APOA4: variants seen among roughly 807,000 people sequenced by gnomAD.
APOA4 encodes the protein apolipoprotein A-IV.
APOA4 carries 25 observed loss-of-function variants against 33.6 expected under a neutral mutation model. The observed-to-expected ratio is 0.74, with a 90% CI of 0.54 to 1.04. APOA4 has a LOEUF of 1.04. Among genes scored for constraint, APOA4 ranks in the 50% least tolerant of loss-of-function variants. The probability of loss-of-function intolerance (pLI) is 0.00; values close to 1 mark genes in which losing one functional copy is unlikely to be tolerated. For missense variants in APOA4, 549 were observed against 510.4 expected, an observed-to-expected ratio of 1.08 and a Z score of -0.73; for synonymous variants, 228 against 224.0, an observed-to-expected ratio of 1.02 and a Z score of -0.16.
Position 116,821,260 on chromosome 11 carries a change from C to G in APOA4, c.798G>C (p.Arg266Ser), listed in dbSNP as rs1941317303. Residue 266 changes from arginine to serine, a missense_variant, in exon 3 of 3, where the codon AGG becomes AGC. By Grantham distance (110) the Arg-to-Ser change is moderately radical (BLOSUM62 -1). Transcript: ENST00000357780. The stretch of plus-strand genomic sequence containing the variant: ...GCACGTCCTCGGCCAAGGGCGCCAG[C>G]CTCTGCCGCAGCTCCTCGGCACTGG... Reference protein sequence around the residue: ...ISASAEELRQRLAPLAEDVRG... With the variant: ...ISASAEELRQSLAPLAEDVRG... The G allele has an allele frequency of 1.2e-6, 2 of 1,613,258 alleles. No individual in the cohort carries two copies. The highest frequency in any genetic ancestry group is 1.7e-6 in the Non-Finnish European group (2 of 1,180,044).
At position 116,821,041 on chromosome 11, in the gene APOA4, G is replaced by C. The variant is rs201032623; in HGVS notation, c.1017C>G (p.His339Gln). Reference sequence around the variant, plus strand: ...TCAGGTCCTTCTCCAGGAAGCTCAAGTGGCCTTCCACGTCCCCCGCATGGG... The same window carrying C: ...TCAGGTCCTTCTCCAGGAAGCTCAACTGGCCTTCCACGTCCCCCGCATGGG... ...LGPHAGDVEG[H>Q]LSFLEKDLRD... The change falls in exon 3 of 3, where the codon CAC becomes CAG. Residue 339 changes from histidine (H) to glutamine (Q), a missense_variant. By Grantham distance (24) the His-to-Gln change is conservative. Transcript: ENST00000357780. 6 of 1,614,246 alleles carry C rather than the reference G, an allele frequency of 3.7e-6. No homozygotes were observed. The highest frequency in any genetic ancestry group is 5.1e-6 in the Non-Finnish European group (6 of 1,180,048).
chr11:116,821,546 T>C lies in APOA4; in HGVS notation c.512A>G (p.Asn171Ser), dbSNP rs1941323236. ...AQRMERVLRENADSLQASLRP... is the reference protein window; with the variant it reads ...AQRMERVLRESADSLQASLRP... ...CAGCGAGGCCTGCAGGCTGTCGGCG[T>C]TCTCCCGCAGCACTCTCTCCATGCG... Residue 171 changes from asparagine to serine, a missense_variant, in exon 3 of 3, where the codon AAC becomes AGC. Asn to Ser is a conservative substitution (Grantham distance 46). Transcript: ENST00000357780. 3.1e-6 allele frequency: 5 copies of C among 1,612,688 alleles called. No homozygotes were observed.
rs569616428 is a variant in APOA4, at chr11:116,821,804, G to A, written c.254C>T (p.Thr85Ile). Residue 85 changes from threonine to isoleucine, a missense_variant, in exon 3 of 3, where the codon ACC (threonine) becomes ATC (isoleucine). Physicochemically the swap from Thr to Ile is moderately conservative, Grantham distance 89 (BLOSUM62 -1). Coordinates refer to ENST00000357780, the MANE Select transcript of APOA4 (RefSeq NM_000482.4). The stretch of plus-strand genomic sequence containing the variant: ...CTTGGCCAGGCGTTCATGCAGCTCG[G>A]TGGCAAAGGGCACCAGCTTCTTCTG... ...DLQKKLVPFA[T>I]ELHERLAKDS... 50 of 1,603,240 alleles carry A rather than the reference G, an allele frequency of 3.1e-5. No homozygotes were observed. The African/African-American group carries it at 6.0e-4, about 19-fold the overall frequency.
In APOA4 at chr11:116,821,403, G is replaced by A. The variant is rs751787167; in HGVS notation, c.655C>T (p.Leu219=). Residue 219 remains leucine, a synonymous_variant, in exon 3 of 3, where the codon CTG becomes TTG. Transcript: ENST00000357780. Reference sequence around the variant, plus strand: ...GCATAGGGAGCCAGGCTGCGGCGCAGCTCCTCCACGGTCTGGTCAATCTTG... The same window carrying A: ...GCATAGGGAGCCAGGCTGCGGCGCAACTCCTCCACGGTCTGGTCAATCTTG... ...KVKIDQTVEE[L]RRSLAPYAQD... is the part of the protein sequence containing the mutation. The A allele has an allele frequency of 1.5e-5, 24 of 1,614,068 alleles. No homozygotes were observed. The South Asian group carries it at 2.5e-4, about 17-fold the overall frequency.
chr11:116,823,290 G>C lies in APOA4; in HGVS notation c.-99C>G, dbSNP rs764379329. 2.1e-4 allele frequency: 294 copies of C among 1,392,782 alleles called. 1 individual carries two copies. Among genetic ancestry groups the C allele is most frequent in the Non-Finnish European group, 2.7e-4 (262 of 979,652 alleles). The allele number at this position is 1,392,782 out of a possible 1,614,324, so 86.3% of individuals were successfully genotyped here. ...GAGGTCCTCAGGAGAGCTCACCTGC[G>C]CTGCAGTGGGAACTGACTGAAGCTC... is the stretch of plus-strand genomic sequence containing the variant. On this transcript the variant is annotated 5_prime_UTR_variant, in exon 1 of 3. Transcript: ENST00000357780.
Position 116,821,506 on chromosome 11 carries a change from G to GC in APOA4, c.551_552insG (p.Asp184GlufsTer23). 6.2e-7 allele frequency: 1 copy of GC among 1,613,944 alleles called. No homozygotes were observed. Among genetic ancestry groups the GC allele is most frequent in the Non-Finnish European group, 8.5e-7 (1 of 1,180,006 alleles). ...TCTGGTCGATCTTGGCCTTGAGCTC[G>GC]TCGGCGTGGGGCCTCAGCGAGGCCT... On this transcript the variant is annotated frameshift_variant, in exon 3 of 3. Coordinates refer to ENST00000357780, the MANE Select transcript of APOA4 (RefSeq NM_000482.4). LOFTEE classifies it high-confidence loss of function.
intron 2 of APOA4, 108 bp downstream of exon 2, chr11:116,822,551 G>C: frequency 6.5e-7 from 1 of 1,548,230 alleles, no homozygotes; most frequent in Non-Finnish European, 8.9e-7. Flanking sequence ...TGGCAGGGCA[G>C]TGGGTATCCT....
At chr11:116,822,950 G>A (rs1941342995) in intron 1 of APOA4, among the ~76,000 whole-genome samples, 165 bp from the exon 2 acceptor site, 1 of 152,228 alleles carries the variant, frequency 6.6e-6, no homozygotes. Context: ...AACTGGTATA[G>A]CACCAATGCC....
chr11:116,822,833 C>T, intron 1 of APOA4, 48 bp from the exon 2 acceptor site: 4 of 1,612,042 alleles, frequency 2.5e-6, no homozygotes, highest in Non-Finnish European at 2.5e-6. Context: ...TCCTGTGTGG[C>T]CCCTCTGCTC....
At chr11:116,821,982 A>G in intron 2 of APOA4, 101 bp from the exon 3 acceptor site, 4 of 1,487,996 alleles carry the variant, frequency 2.7e-6, no homozygotes, top group African/African-American at 1.4e-5. Flanking sequence ...GTGCTAGGAC[A>G]GGTGAGTGCT....
At position 116,820,707 on chromosome 11, in the gene APOA4, T is replaced by C; in HGVS notation, c.*160A>G. 1 of 1,298,276 alleles carries C rather than the reference T, an allele frequency of 7.7e-7. No individual in the cohort carries two copies. Among genetic ancestry groups the C allele is most frequent in the Non-Finnish European group, 1.1e-6 (1 of 950,590 alleles). The allele number at this position is 1,298,276 out of a possible 1,614,324, so 80.4% of individuals were successfully genotyped here. The stretch of plus-strand genomic sequence containing the variant: ...GATTCATCCGGCAACCAGTTGAGGC[T>C]AGATTCTCAGCAGCTTTATTGAATA... On this transcript the variant is annotated 3_prime_UTR_variant, in exon 3 of 3. Coordinates refer to ENST00000357780, the MANE Select transcript of APOA4 (RefSeq NM_000482.4).
At position 116,821,563 on chromosome 11, in the gene APOA4, C is replaced by G. The variant is rs1471353240; in HGVS notation, c.495G>C (p.Glu165Asp). ...TGTCGGCGTTCTCCCGCAGCACTCTCTCCATGCGCTGTGCGTAGGGGGTCA... is the reference window on the plus strand; with the variant it reads ...TGTCGGCGTTCTCCCGCAGCACTCTGTCCATGCGCTGTGCGTAGGGGGTCA... ...RQLTPYAQRM[E>D]RVLRENADSL... The change falls in exon 3 of 3, where the codon GAG (glutamate) becomes GAC (aspartate). Residue 165 changes from glutamate to aspartate, a missense_variant. By Grantham distance (45) the Glu-to-Asp change is conservative. Coordinates refer to ENST00000357780, the MANE Select transcript of APOA4 (RefSeq NM_000482.4). The G allele has an allele frequency of 2.5e-6, 4 of 1,611,976 alleles. No individual in the cohort carries two copies. The highest frequency in any genetic ancestry group is 2.2e-5 in the East Asian group (1 of 44,884).
At position 116,823,177 on chromosome 11, in the gene APOA4, G is replaced by C; in HGVS notation, c.15C>G (p.Ala5=). 1 of 1,614,066 alleles carries C rather than the reference G, an allele frequency of 6.2e-7. No homozygotes were observed. Among genetic ancestry groups the C allele is most frequent in the Non-Finnish European group, 8.5e-7 (1 of 1,180,014 alleles). ...CCACCAGGGCCAGGGTCAGGACCACGGCCTTCAGGAACATCCTGAGCTGCT... is the reference window on the plus strand; with the variant it reads ...CCACCAGGGCCAGGGTCAGGACCACCGCCTTCAGGAACATCCTGAGCTGCT... The part of the protein sequence containing the change: MFLK[A]VVLTLALVAV... Residue 5 remains alanine, a synonymous_variant, in exon 1 of 3, where the codon GCC becomes GCG. Transcript: ENST00000357780.
intron 1 of APOA4, 74 bp downstream of exon 1, chr11:116,823,069 T>A: frequency 1.3e-6 from 2 of 1,581,954 alleles, no homozygotes; most frequent in Admixed American, 1.7e-5. Flanking sequence ...GTCCTTTTGC[T>A]TTGGCTCAGC....
chr11:116,820,860 G>A lies in APOA4; in HGVS notation c.*7C>T, dbSNP rs1188628093. On this transcript the variant is annotated 3_prime_UTR_variant, in exon 3 of 3. Transcript: ENST00000357780. The stretch of plus-strand genomic sequence containing the variant: ...CACGAGGGTGGGGCCAGTGCACCAG[G>A]GGCAGCTCAGCTCTCCAAAGGGGCC... The A allele has an allele frequency of 1.9e-6, 3 of 1,613,514 alleles. No homozygotes were observed. The highest frequency in any genetic ancestry group is 3.3e-5 in the Admixed American group (2 of 60,024).
At position 116,820,924 on chromosome 11, in the gene APOA4, T is replaced by TTCCTGCTGTTGC. The variant is rs1218649352; in HGVS notation, c.1122_1133dup (p.Gln384_Gln387dup). On this transcript the variant is annotated inframe_insertion, in exon 3 of 3. Transcript: ENST00000357780. The stretch of plus-strand genomic sequence containing the variant: ...GCTCCTGCTGCTGCTCCTGCTGCTG[T>TTCCTGCTGTTGC]TCCTGCTGTTGCTCCAGCTCAGGGA... 1 of 1,613,680 alleles carries TTCCTGCTGTTGC rather than the reference T, an allele frequency of 6.2e-7. No individual in the cohort carries two copies. The highest frequency in any genetic ancestry group is 8.5e-7 in the Non-Finnish European group (1 of 1,179,840).
intron 2 of APOA4, 139 bp from the exon 3 acceptor site, chr11:116,822,020 G>A: frequency 9.2e-7 from 1 of 1,085,952 alleles, no homozygotes; most frequent in Non-Finnish European, 1.4e-6. Context: ...CCCTCCCTAT[G>A]GTGGTGCAGA....
In APOA4 at chr11:116,820,910, T is replaced by G. The variant is rs1941311399; in HGVS notation, c.1148A>C (p.Gln383Pro). 6.2e-7 allele frequency: 1 copy of G among 1,614,202 alleles called. No homozygotes were observed. The highest frequency in any genetic ancestry group is 8.5e-7 in the Non-Finnish European group (1 of 1,180,028). Residue 383 changes from glutamine to proline, a missense_variant, in exon 3 of 3, where the codon CAG (glutamine) becomes CCG (proline). Transcript: ENST00000357780. ...CAGCATCTGCACCTGCTCCTGCTGC[T>G]GCTCCTGCTGCTGTTCCTGCTGTTG... ...LEQQQEQQQE[Q>P]QQEQVQMLAP...
chr11:116,821,896 A>G lies in APOA4; in HGVS notation c.177-15T>C, dbSNP rs767866508. On this transcript the variant is annotated splice_polypyrimidine_tract_variant and intron_variant, in intron 2 of 2. Coordinates refer to ENST00000357780, the MANE Select transcript of APOA4 (RefSeq NM_000482.4). The stretch of plus-strand genomic sequence containing the variant: ...GGAAGAGGGCACTGTGGGGAAGGGC[A>G]CAAGGAGGCCACGTTACATTTGGCA... 6.2e-7 allele frequency: 1 copy of G among 1,612,214 alleles called. No individual in the cohort carries two copies. Among genetic ancestry groups the G allele is most frequent in the South Asian group, 1.1e-5 (1 of 91,074 alleles).
Sources: allele counts gnomAD v4.1 joint callset (sites outside exome capture counted in the v4.1 genomes callset), GRCh38; gene constraint gnomAD v4.1.1; transcripts MANE v1.5; gene names NCBI Gene and HGNC (gene_info 2026-07-23, HGNC 2026-07-21).